Variants in RPS6KA6 observed in about 807,000 individuals in gnomAD.
RPS6KA6 encodes the protein ribosomal protein S6 kinase A6, also known as ribosomal protein S6 kinase alpha-6.
In RPS6KA6, 27 loss-of-function variants were observed where a neutral mutation model predicts 65.4. The ratio of observed to expected loss-of-function variants is 0.41; its 90% confidence interval spans 0.30 to 0.57. RPS6KA6 has a LOEUF of 0.57. Ranked by LOEUF, RPS6KA6 falls within the 20% of genes least tolerant of loss-of-function variation. RPS6KA6 has a pLI of 0.24. For missense variants in RPS6KA6, 486 were observed against 555.6 expected (o/e 0.87, Z 1.26); for synonymous variants, 190 against 184.2 (o/e 1.03, Z -0.26).
At chrX:84,091,002 T>C (rs994339357) in intron 20 of RPS6KA6, among the ~76,000 whole-genome samples, 7 of 111,878 alleles carry the variant, frequency 6.3e-5, no homozygotes, top group South Asian at 3.7e-4. Flanking sequence ...TGTGAGTGGA[T>C]TGAAAAGAGT....
At position 84,174,489 on chromosome X, in the gene RPS6KA6, G is replaced by A. The variant is rs144475467; in HGVS notation, c.82-10102C>T. On this transcript the variant is annotated intron_variant, in intron 1 of 21. Transcript: ENST00000262752. The stretch of plus-strand genomic sequence containing the variant: ...GGACAAGAGTATACAGCCTCCAAGC[G>A]ATTACTTTAGTCAGGTATTTAAATG... Among the ~76,000 whole-genome samples, 272 of 111,404 alleles carry A rather than the reference G, an allele frequency of 2.4e-3. 2 individuals are homozygous for A. Among genetic ancestry groups the A allele is most frequent in the Middle Eastern group, 9.4e-3 (2 of 213 alleles).
In RPS6KA6 at chrX:84,064,048, A is replaced by G. The variant is rs2033346152; in HGVS notation, c.*229T>C. 9.2e-6 allele frequency: 3 copies of G among 324,455 alleles called. No homozygotes were observed. Among genetic ancestry groups the G allele is most frequent in the Non-Finnish European group, 1.6e-5 (3 of 190,727 alleles). The allele number at this position is 324,455 out of a possible 1,213,427, so 26.7% of individuals were successfully genotyped here. A position where few individuals can be genotyped will look rare whatever the true frequency, so the allele number is the denominator to read the frequency against. On this transcript the variant is annotated 3_prime_UTR_variant, in exon 22 of 22. Coordinates refer to ENST00000262752, the MANE Select transcript of RPS6KA6 (RefSeq NM_014496.5). ...CAGAGAAGTTGTGAGGACCTGGTGG[A>G]CACCAATTATATGCTTAAATAAACA... is the stretch of plus-strand genomic sequence containing the variant.
intron 17 of RPS6KA6, among the ~76,000 whole-genome samples, chrX:84,102,571 C>T (rs2034279862): frequency 9.0e-6 from 1 of 110,607 alleles, no homozygotes; most frequent in Non-Finnish European, 1.9e-5. Context: ...AGACTTAGTC[C>T]ATAATGGACT....
chrX:84,182,004 C>T (rs1401373028), intron 1 of RPS6KA6, among the ~76,000 whole-genome samples: 1 of 107,681 alleles, frequency 9.3e-6, no homozygotes, highest in East Asian at 2.9e-4. Flanking sequence ...AAGTAACACA[C>T]ATGCACTCTA....
intron 8 of RPS6KA6, among the ~76,000 whole-genome samples, chrX:84,127,544 G>A (rs1336918465): frequency 1.8e-5 from 2 of 111,181 alleles, no homozygotes; most frequent in Non-Finnish European, 3.8e-5. Flanking sequence ...TATCTCTGAT[G>A]AATAATAATG....
At chrX:84,090,231 G>A (rs1467123522) in intron 20 of RPS6KA6, among the ~76,000 whole-genome samples, 2 of 111,585 alleles carry the variant, frequency 1.8e-5, no homozygotes, top group Non-Finnish European at 3.8e-5. Context: ...CACCTGCTCT[G>A]ATCACAAATA....
At position 84,136,333 on chromosome X, in the gene RPS6KA6, G is replaced by A. The variant is rs1468827031; in HGVS notation, c.502-1123C>T. ...AACCTGCTTGCCCATTTAGAATTAC[G>A]GCCACTGCATTTCACAATGCAGATC... On this transcript the variant is annotated intron_variant, in intron 6 of 21. Coordinates refer to ENST00000262752, the MANE Select transcript of RPS6KA6 (RefSeq NM_014496.5). Among the ~76,000 whole-genome samples, 6 of 111,059 alleles carry A rather than the reference G, an allele frequency of 5.4e-5. No homozygotes were observed. In the East Asian group the frequency reaches 1.1e-3, roughly 21 times the overall value.
chrX:84,147,144 T>A (rs1387561074), intron 4 of RPS6KA6, 86 bp from the exon 5 acceptor site: 3 of 547,121 alleles, frequency 5.5e-6, no homozygotes, highest in Non-Finnish European at 8.7e-6. Flanking sequence ...ACAACAAATA[T>A]AAAAATACAA....
chrX:84,172,598 GC>G (rs1240137152), intron 1 of RPS6KA6, among the ~76,000 whole-genome samples: 1 of 111,693 alleles, frequency 9.0e-6, no homozygotes, highest in Non-Finnish European at 1.9e-5. Flanking sequence ...ATATGATCTA[GC>G]AATCCCACTT....
intron 8 of RPS6KA6, among the ~76,000 whole-genome samples, chrX:84,122,537 T>C (rs1298193935): frequency 9.2e-6 from 1 of 108,659 alleles, no homozygotes; most frequent in East Asian, 2.9e-4. Flanking sequence ...TTTCACCATG[T>C]TGGTCAGGCT....
chrX:84,120,966 A>C (rs141616273), intron 8 of RPS6KA6, among the ~76,000 whole-genome samples: 516 of 112,460 alleles, frequency 4.6e-3, no homozygotes, highest in Middle Eastern at 0.014. Context: ...TTGGACATAT[A>C]TATCAATGGA....
At chrX:84,150,902 G>GATATATAGAGAGGATATATATAGGAT (rs1569235474) in intron 3 of RPS6KA6, among the ~76,000 whole-genome samples, 3 of 72,990 alleles carry the variant, frequency 4.1e-5, no homozygotes, top group East Asian at 4.3e-4. Context: ...ATATATATAG[G>GATATATAGAGAGGATATATATAGGAT]ATATATAGAG....
In RPS6KA6 at chrX:84,175,744, G is replaced by C. The variant is rs781059305; in HGVS notation, c.82-11357C>G. Among the ~76,000 whole-genome samples the C allele has an allele frequency of 1.9e-3, 217 of 111,615 alleles. 1 individual carries two copies. Among genetic ancestry groups the C allele is most frequent in the African/African-American group, 6.7e-3 (207 of 30,788 alleles). ...AAAATCTTTCTATAAGGCTAAATTT[G>C]TTGGAATTTGTGACATAATATATTG... is the stretch of plus-strand genomic sequence containing the variant. On this transcript the variant is annotated intron_variant, in intron 1 of 21. Coordinates refer to ENST00000262752, the MANE Select transcript of RPS6KA6 (RefSeq NM_014496.5).
At chrX:84,070,740 CAT>C (rs1435851004) in intron 20 of RPS6KA6, among the ~76,000 whole-genome samples, 22 of 110,327 alleles carry the variant, frequency 2.0e-4, no homozygotes, top group South Asian at 1.2e-3. Flanking sequence ...ACTGGGGAAA[CAT>C]GTGCAAAAAT....
chrX:84,133,317 A>C (rs2034936081), intron 8 of RPS6KA6, among the ~76,000 whole-genome samples: 1 of 112,212 alleles, frequency 8.9e-6, no homozygotes, highest in African/African-American at 3.2e-5. Flanking sequence ...TAATCATAAA[A>C]CTGTAAATTA....
At chrX:84,105,075 G>A (rs918954471) in intron 16 of RPS6KA6, among the ~76,000 whole-genome samples, 2 of 110,290 alleles carry the variant, frequency 1.8e-5, no homozygotes, top group African/African-American at 6.6e-5. Context: ...TTCATTATCT[G>A]ATTTGGTATC....
At position 84,164,351 on chromosome X, in the gene RPS6KA6, C is replaced by T. The variant is rs372376382; in HGVS notation, c.118G>A (p.Glu40Lys). The T allele has an allele frequency of 3.3e-6, 4 of 1,196,566 alleles. No homozygotes were observed. In the African/African-American group the frequency reaches 7.0e-5, roughly 21 times the overall value. ...ACATGACAAGAATCTGCTTCTCCCT[C>T]TTCCATTGGCTCATCAACCATTTTA... ...GLKMVDEPME[E>K]GEADSCHDEG... Residue 40 changes from glutamate to lysine, a missense_variant, in exon 2 of 22, where the codon GAG becomes AAG. Physicochemically the swap from Glu to Lys is moderately conservative, Grantham distance 56. This residue lies in a region of RPS6KA6 where 106 missense variants were observed against 105.0 expected (regional missense o/e 1.01). Transcript: ENST00000262752.
intron 20 of RPS6KA6, among the ~76,000 whole-genome samples, chrX:84,080,561 A>T (rs930361351): frequency 4.3e-4 from 42 of 97,638 alleles, no homozygotes; most frequent in African/African-American, 1.5e-3. Flanking sequence ...TGTCAATATT[A>T]GATCAACACG....
Position 84,145,470 on chromosome X carries a change from ATACT to A in RPS6KA6, c.501+4_501+7del, listed in dbSNP as rs1221902191. On this transcript the variant is annotated splice_donor_5th_base_variant and intron_variant, in intron 6 of 21. Coordinates refer to ENST00000262752, the MANE Select transcript of RPS6KA6 (RefSeq NM_014496.5). The stretch of plus-strand genomic sequence containing the variant: ...AAGAAAATACAGTAAAAATGTACAG[ATACT>A]TACCTCTTTGGATAATCTTGTGAAA... 2 of 1,072,445 alleles carry A rather than the reference ATACT, an allele frequency of 1.9e-6. No homozygotes were observed. The highest frequency in any genetic ancestry group is 2.5e-6 in the Non-Finnish European group (2 of 790,583). 88.4% of individuals were successfully genotyped at this position (1,072,445 alleles called of 1,213,427 possible).
Sources: allele counts gnomAD v4.1 joint callset (sites outside exome capture counted in the v4.1 genomes callset), GRCh38; gene constraint gnomAD v4.1.1; regional missense constraint gnomAD v4.1.1; transcripts MANE v1.5; gene names NCBI Gene and HGNC (gene_info 2026-07-23, HGNC 2026-07-21).